PUDP: variants seen among roughly 807,000 people sequenced by gnomAD.
PUDP encodes the protein pseudouridine-5'-phosphatase.
A neutral mutation model predicts 9.4 loss-of-function variants in PUDP; 8 were observed. The observed-to-expected ratio is 0.85, with a 90% CI of 0.50 to 1.53. The LOEUF (loss-of-function observed/expected upper bound fraction) is 1.53, where lower values mean the gene tolerates loss of function less well. Ranked by LOEUF, PUDP falls within the 40% of genes most tolerant of loss-of-function variation. PUDP has a pLI of 0.00. For synonymous variants in PUDP, 99 were observed against 80.7 expected (o/e 1.23, Z -1.22); for missense variants, 188 against 189.7 (o/e 0.99, Z 0.05).
chrX:6,775,678 G>A (rs748022868), intron 3 of PUDP, among the ~76,000 whole-genome samples: 1 of 111,299 alleles, frequency 9.0e-6, no homozygotes, highest in African/African-American at 3.3e-5. Flanking sequence ...TTTGGGACAT[G>A]ATCTAGGTGA....
At chrX:6,895,957 G>A (rs1439183604) in intron 3 of PUDP, among the ~76,000 whole-genome samples, 3 of 110,681 alleles carry the variant, frequency 2.7e-5, no homozygotes, top group South Asian at 3.9e-4. Context: ...CACTCATACC[G>A]TCCATGAGGC....
chrX:6,916,586 T>C (rs750982633), intron 3 of PUDP, among the ~76,000 whole-genome samples: 11 of 111,677 alleles, frequency 9.8e-5, no homozygotes, highest in African/African-American at 3.2e-4. Flanking sequence ...CTTCTTCCTT[T>C]GAATACGGAT....
chrX:6,762,618 G>T (rs753132153), intron 3 of PUDP, among the ~76,000 whole-genome samples: 13 of 112,095 alleles, frequency 1.2e-4, no homozygotes, highest in Non-Finnish European at 2.4e-4. Flanking sequence ...ACAGGCAGAA[G>T]AAATAAATTT....
chrX:6,723,251 T>C (rs919128748), upstream of PUDP, among the ~76,000 whole-genome samples: 2 of 90,598 alleles, frequency 2.2e-5, no homozygotes, highest in African/African-American at 9.0e-5. Context: ...TCCATCTCTC[T>C]AAAAACGAAC....
chrX:6,753,104 G>T (rs1395569639), intron 3 of PUDP, among the ~76,000 whole-genome samples: 1 of 110,512 alleles, frequency 9.0e-6, no homozygotes, highest in Non-Finnish European at 1.9e-5. Flanking sequence ...CCTATTTGTG[G>T]TCTTTCATCT....
At chrX:7,113,927 G>C (rs2146907640) in intron 1 of PUDP, among the ~76,000 whole-genome samples, 1 of 111,579 alleles carries the variant, frequency 9.0e-6, no homozygotes, top group Admixed American at 9.5e-5. Flanking sequence ...TATGGGGACT[G>C]AGAAGTCCAA....
At chrX:6,893,425 C>T (rs1281851586) in intron 3 of PUDP, among the ~76,000 whole-genome samples, 1 of 111,491 alleles carries the variant, frequency 9.0e-6, no homozygotes, top group African/African-American at 3.3e-5. Context: ...TACCATTTTC[C>T]CCCTAAAATA....
intron 3 of PUDP, among the ~76,000 whole-genome samples, chrX:7,075,246 C>T (rs1930858911): frequency 8.9e-6 from 1 of 112,259 alleles, no homozygotes; most frequent in South Asian, 3.7e-4. Flanking sequence ...GTGGCTCACG[C>T]CTGTAATCCC....
At chrX:7,014,104 C>G (rs1367343854) in intron 1 of PUDP, among the ~76,000 whole-genome samples, 1 of 110,376 alleles carries the variant, frequency 9.1e-6, no homozygotes, top group Non-Finnish European at 1.9e-5. Flanking sequence ...TCTGACCACC[C>G]CCAGTTTAAC....
chrX:6,819,854 C>T (rs1307817158), intron 3 of PUDP, among the ~76,000 whole-genome samples: 1 of 111,302 alleles, frequency 9.0e-6, no homozygotes, highest in Non-Finnish European at 1.9e-5. Flanking sequence ...GAAGAGAGAA[C>T]ACACAGGGGA....
chrX:7,114,106 G>A (rs1240167737), intron 1 of PUDP, among the ~76,000 whole-genome samples: 2 of 110,346 alleles, frequency 1.8e-5, no homozygotes, highest in Non-Finnish European at 3.8e-5. Flanking sequence ...ACGGAGTCTC[G>A]CACTGTAGCC....
intron 3 of PUDP, among the ~76,000 whole-genome samples, chrX:6,894,068 G>A (rs1044174813): frequency 9.0e-6 from 1 of 111,087 alleles, no homozygotes; most frequent in Admixed American, 9.7e-5. Flanking sequence ...TGGACACGTG[G>A]AGGGGAACAA....
chrX:6,774,189 G>A (rs1925412614), intron 3 of PUDP, among the ~76,000 whole-genome samples: 2 of 111,902 alleles, frequency 1.8e-5, no homozygotes, highest in Non-Finnish European at 3.8e-5. Context: ...TGCCTACAGT[G>A]TTATCCCGTT....
intron 3 of PUDP, among the ~76,000 whole-genome samples, chrX:6,856,658 C>T (rs746012902): frequency 1.8e-5 from 2 of 112,016 alleles, no homozygotes; most frequent in South Asian, 7.6e-4. Context: ...GGTTCTGACA[C>T]CTTGCATGTC....
chrX:7,082,800 T>G (rs982744958), intron 2 of PUDP, among the ~76,000 whole-genome samples: 4 of 112,827 alleles, frequency 3.5e-5, no homozygotes, highest in African/African-American at 1.3e-4. Context: ...GCTGTCTTTC[T>G]TAGGGGCTAC....
chrX:6,869,255 C>T (rs1231990066), intron 3 of PUDP, among the ~76,000 whole-genome samples: 1 of 111,939 alleles, frequency 8.9e-6, no homozygotes, highest in Non-Finnish European at 1.9e-5. Context: ...GTTTTCTTTG[C>T]TCATAAATTA....
intron 3 of PUDP, among the ~76,000 whole-genome samples, chrX:6,784,458 T>A (rs983629555): frequency 4.5e-5 from 5 of 111,071 alleles, no homozygotes; most frequent in African/African-American, 9.8e-5. Context: ...CTAGAACATG[T>A]CAGGAAACTG....
intron 3 of PUDP, among the ~76,000 whole-genome samples, chrX:6,845,202 T>C (rs746971961): frequency 8.9e-6 from 1 of 112,019 alleles, no homozygotes; most frequent in African/African-American, 3.2e-5. Context: ...TGGTAAGATA[T>C]TGAGCTCCAG....
chrX:6,892,348 G>A (rs1302528081), intron 3 of PUDP, among the ~76,000 whole-genome samples: 2 of 110,955 alleles, frequency 1.8e-5, no homozygotes, highest in Non-Finnish European at 3.8e-5. Flanking sequence ...TCATACCCGA[G>A]ACTTGGTAAT....
Sources: gnomAD v4.1 joint callset for allele counts (sites outside exome capture counted in the v4.1 genomes callset) on GRCh38, gnomAD v4.1.1 for gene constraint, MANE v1.5 for transcripts, NCBI Gene and HGNC (gene_info 2026-07-23, HGNC 2026-07-21) for gene names.